Variants in TMEM230 observed in about 807,000 individuals in gnomAD.
The protein encoded by TMEM230 is transmembrane protein 230.
TMEM230 carries 10 observed loss-of-function variants against 15.8 expected under a neutral mutation model. The ratio of observed to expected loss-of-function variants is 0.63; its 90% CI spans 0.39 to 1.07. The LOEUF (loss-of-function observed/expected upper bound fraction) is 1.07. Among genes scored for constraint, TMEM230 ranks in the 50% least tolerant of loss-of-function variants. TMEM230 has a pLI of 0.01. For missense variants in TMEM230, 165 were observed against 193.3 expected (o/e 0.85, Z 0.87); for synonymous variants, 67 against 76.9 (o/e 0.87, Z 0.68).
At chr20:5,098,062 T>C (rs1305940022), downstream of TMEM230, among the ~76,000 whole-genome samples, 1 of 146,838 alleles carries the variant, frequency 6.8e-6, no homozygotes, top group Non-Finnish European at 1.5e-5. Flanking sequence ...ACCGCAACCT[T>C]AGCCTGCCGG....
intron 3 of TMEM230, among the ~76,000 whole-genome samples, chr20:5,086,947 C>T (rs1320293949): frequency 6.6e-6 from 1 of 152,116 alleles, no homozygotes; most frequent in Non-Finnish European, 1.5e-5. Context: ...GACCATGGCT[C>T]ATTGGAGCCT....
At chr20:5,108,727 T>G (rs770522561) in intron 3 of TMEM230, among the ~76,000 whole-genome samples, 2 of 152,200 alleles carry the variant, frequency 1.3e-5, no homozygotes, top group South Asian at 4.1e-4. Context: ...AACATTCTAT[T>G]GTAAGGGGAA....
intron 4 of TMEM230, among the ~76,000 whole-genome samples, chr20:5,101,205 C>T (rs1480099557): frequency 2.0e-5 from 3 of 152,130 alleles, no homozygotes; most frequent in African/African-American, 4.8e-5. Context: ...ACACACCATA[C>T]TCTGTGTCCT....
At chr20:5,087,773 G>T (rs1241662132) in intron 3 of TMEM230, among the ~76,000 whole-genome samples, 1 of 132,620 alleles carries the variant, frequency 7.5e-6, no homozygotes, top group Non-Finnish European at 1.6e-5. Flanking sequence ...TGACACCAGA[G>T]AAAAACAAGC....
chr20:5,070,321 T>G (rs2088781679), intron 3 of TMEM230, among the ~76,000 whole-genome samples: 1 of 152,138 alleles, frequency 6.6e-6, no homozygotes, highest in African/African-American at 2.4e-5. Context: ...GCGCTAACTG[T>G]AGCACTAACC....
intron 3 of TMEM230, among the ~76,000 whole-genome samples, chr20:5,078,624 G>A (rs1037230791): frequency 2.0e-5 from 3 of 152,190 alleles, no homozygotes; most frequent in African/African-American, 7.2e-5. Context: ...CTCTAGGACC[G>A]TGGCAGAGGG....
chr20:5,059,753 C>T, the TMEM230 span, among the ~76,000 whole-genome samples: 16 of 145,864 alleles, frequency 1.1e-4, no homozygotes, highest in Non-Finnish European at 1.9e-4. Context: ...CATAGCACCA[C>T]TTCCAGCTAA....
chr20:5,092,573 C>T (rs1293038507), intron 3 of TMEM230, among the ~76,000 whole-genome samples: 1 of 151,842 alleles, frequency 6.6e-6, no homozygotes, highest in Admixed American at 6.6e-5. Context: ...CAAAATTAGC[C>T]CAGGTGGTGG....
chr20:5,092,142 T>A (rs555637530), intron 3 of TMEM230, among the ~76,000 whole-genome samples: 1 of 152,338 alleles, frequency 6.6e-6, no homozygotes, highest in Non-Finnish European at 1.5e-5. Context: ...ACTGAGATAC[T>A]GAACTTCTTT....
intron 3 of TMEM230, among the ~76,000 whole-genome samples, chr20:5,079,474 T>C (rs1377095378): frequency 6.6e-6 from 1 of 152,218 alleles, no homozygotes; most frequent in East Asian, 1.9e-4. Context: ...CATTTCTTTA[T>C]AATATTGAGA....
intron 3 of TMEM230, among the ~76,000 whole-genome samples, chr20:5,108,281 T>G (rs1412355005): frequency 6.6e-6 from 1 of 151,370 alleles, no homozygotes; most frequent in Non-Finnish European, 1.5e-5. Flanking sequence ...TAGCTGGGCG[T>G]GGTGGCGCAT....
At chr20:5,069,538 T>C (rs80257606) in intron 3 of TMEM230, among the ~76,000 whole-genome samples, 3,423 of 152,230 alleles carry the variant, frequency 0.022, 115 homozygotes, top group African/African-American at 0.075. Flanking sequence ...TGTCACTCAG[T>C]GAGTGACCAA....
chr20:5,086,635 T>C (rs1168154776), intron 3 of TMEM230, among the ~76,000 whole-genome samples: 1 of 151,888 alleles, frequency 6.6e-6, no homozygotes, highest in East Asian at 1.9e-4. Flanking sequence ...TGACAGATTG[T>C]TAATATGGAG....
At chr20:5,071,019 T>G (rs2088805554) in intron 3 of TMEM230, among the ~76,000 whole-genome samples, 1 of 152,162 alleles carries the variant, frequency 6.6e-6, no homozygotes, top group Admixed American at 6.5e-5. Context: ...TTTTTCCTTA[T>G]TTTCTAGGAG....
At chr20:5,079,955 TTTTG>T (rs1170664486) in intron 3 of TMEM230, among the ~76,000 whole-genome samples, 4 of 152,166 alleles carry the variant, frequency 2.6e-5, no homozygotes, top group Admixed American at 1.3e-4. Flanking sequence ...ACTGCATAGT[TTTTG>T]TTTGTTTGAA....
downstream of TMEM230, among the ~76,000 whole-genome samples, chr20:5,064,342 C>T (rs966345534): frequency 1.7e-4 from 26 of 150,828 alleles, no homozygotes; most frequent in Non-Finnish European, 1.6e-4. Context: ...TTTGGGAGGC[C>T]GAGGCAGGTG....
In TMEM230 at chr20:5,090,201, ATAAAT is replaced by A. The variant is rs1417402832; in HGVS notation, c.222+15982_222+15986del. On this transcript the variant is annotated intron_variant, in intron 3 of 3. Coordinates refer to the TMEM230 transcript ENST00000612323. Reference sequence around the variant, plus strand: ...AGGTATGAGTGAAATAAATTATCAAATAAATTAATTTCAGAAAATTCCCTAACACT... The same window carrying A: ...AGGTATGAGTGAAATAAATTATCAAATAATTTCAGAAAATTCCCTAACACT... Among the ~76,000 whole-genome samples, 3 of 152,334 alleles carry A rather than the reference ATAAAT, an allele frequency of 2.0e-5. No homozygotes were observed. In the South Asian group the frequency reaches 6.2e-4, roughly 32 times the overall value.
intron 3 of TMEM230, among the ~76,000 whole-genome samples, chr20:5,084,060 C>A (rs1279211053): frequency 1.3e-5 from 2 of 152,030 alleles, no homozygotes; most frequent in East Asian, 3.9e-4. Flanking sequence ...TCTTTGTACC[C>A]ACGTGTGCTG....
chr20:5,074,179 C>T (rs1475406131), intron 3 of TMEM230, among the ~76,000 whole-genome samples: 1 of 152,206 alleles, frequency 6.6e-6, no homozygotes, highest in Admixed American at 6.5e-5. Flanking sequence ...CTGGGGATCA[C>T]ACTTCAACAT....
Sources: allele counts gnomAD v4.1 joint callset (sites outside exome capture counted in the v4.1 genomes callset), GRCh38; gene constraint gnomAD v4.1.1; transcripts MANE v1.5; gene names NCBI Gene and HGNC (gene_info 2026-07-23, HGNC 2026-07-21).